Variants in RNF17 observed in about 807,000 individuals in gnomAD.
RNF17 encodes the protein spermatogenesis associated 23.
In RNF17, 31 loss-of-function variants were observed where a neutral mutation model predicts 200.5. The ratio of observed to expected loss-of-function variants is 0.15; its 90% CI spans 0.12 to 0.21. RNF17 has a LOEUF of 0.21. Ranked by LOEUF, RNF17 falls within the 10% of genes least tolerant of loss-of-function variation. The probability of loss-of-function intolerance (pLI) is 1.00; values close to 1 mark genes in which losing one functional copy is unlikely to be tolerated. For synonymous variants in RNF17, 606 were observed against 637.8 expected (o/e 0.95, Z 0.75); for missense variants, 1,628 against 1,905.1 (o/e 0.85, Z 2.71).
downstream of RNF17, chr13:24,884,395 A>G: frequency 1.9e-6 from 3 of 1,614,014 alleles, no homozygotes; most frequent in Non-Finnish European, 2.5e-6. Flanking sequence ...TCCCATCTGC[A>G]CTCACTTCCT....
chr13:24,816,886 T>G (rs1179892650), intron 15 of RNF17, among the ~76,000 whole-genome samples: 1 of 152,102 alleles, frequency 6.6e-6, no homozygotes, highest in Non-Finnish European at 1.5e-5. Context: ...GTATCCTCTT[T>G]TGATTTACTG....
intron 33 of RNF17, 152 bp downstream of exon 33, chr13:24,874,401 T>C (rs1894633765): frequency 1.7e-6 from 1 of 580,316 alleles, no homozygotes. Flanking sequence ...ATACATAAAA[T>C]TTACCATTGT....
At chr13:24,822,146 C>G (rs1888134598) in intron 15 of RNF17, among the ~76,000 whole-genome samples, 1 of 152,074 alleles carries the variant, frequency 6.6e-6, no homozygotes, top group African/African-American at 2.4e-5. Flanking sequence ...GGCTGGCCAC[C>G]CCACCCTAAT....
chr13:24,885,624 G>GT, the RNF17 span: 1 of 1,611,194 alleles, frequency 6.2e-7, no homozygotes, highest in Non-Finnish European at 8.5e-7. Flanking sequence ...TATCCAAATT[G>GT]CCTAAATCAC....
At chr13:24,763,530 C>G (rs1879067350), upstream of RNF17, among the ~76,000 whole-genome samples, 1 of 151,992 alleles carries the variant, frequency 6.6e-6, no homozygotes, top group Non-Finnish European at 1.5e-5. Context: ...AAGGCTAATT[C>G]TTACTGTCTC....
At chr13:24,835,428 T>G (rs1889877176) in intron 18 of RNF17, among the ~76,000 whole-genome samples, 2 of 152,014 alleles carry the variant, frequency 1.3e-5, no homozygotes, top group Admixed American at 6.6e-5. Context: ...TTTCACCCCA[T>G]CGCCACCTCG....
intron 16 of RNF17, among the ~76,000 whole-genome samples, chr13:24,826,820 G>A (rs1888696525): frequency 6.6e-6 from 1 of 151,470 alleles, no homozygotes; most frequent in Non-Finnish European, 1.5e-5. Flanking sequence ...CAGCACTTTG[G>A]GAGGCCAAGG....
intron 15 of RNF17, among the ~76,000 whole-genome samples, chr13:24,811,825 G>A (rs146557469): frequency 0.12 from 18,781 of 151,902 alleles, 1,266 homozygotes; most frequent in Admixed American, 0.15. Flanking sequence ...TTTTTGGTGT[G>A]GATGTCCTTT....
intron 15 of RNF17, among the ~76,000 whole-genome samples, chr13:24,823,683 A>G (rs1385366381): frequency 1.2e-4 from 19 of 152,160 alleles, no homozygotes; most frequent in Admixed American, 1.1e-3. Context: ...TTTTCTGGGC[A>G]TGCATCTTGT....
chr13:24,835,240 C>A (rs537402815), intron 18 of RNF17, among the ~76,000 whole-genome samples: 3 of 151,812 alleles, frequency 2.0e-5, no homozygotes, highest in Admixed American at 2.0e-4. Flanking sequence ...TCCCTACCCC[C>A]CCTGGTAGCT....
upstream of RNF17, among the ~76,000 whole-genome samples, chr13:24,759,462 T>G (rs1202042547): frequency 6.6e-6 from 1 of 152,250 alleles, no homozygotes; most frequent in Non-Finnish European, 1.5e-5. Flanking sequence ...CAAGGTATTA[T>G]GCCTCCAGCA....
rs543258079 is a variant in RNF17, at chr13:24,805,864, T to G, written c.2091+1435T>G. 4.4e-4 allele frequency among the ~76,000 whole-genome samples: 66 copies of G among 149,526 alleles called. No homozygotes were observed. The South Asian group carries it at 6.1e-3, about 14-fold the overall frequency. On this transcript the variant is annotated intron_variant, in intron 15 of 35. Coordinates refer to ENST00000255324, the MANE Select transcript of RNF17 (RefSeq NM_031277.3). ...TCTCCACACCCTCATGAACACTTGGTTTTTTTTTTCTTTTTTAAATAACAT... is the reference window on the plus strand; with the variant it reads ...TCTCCACACCCTCATGAACACTTGGGTTTTTTTTTCTTTTTTAAATAACAT...
At chr13:24,809,184 CTT>C (rs1232735528) in intron 15 of RNF17, among the ~76,000 whole-genome samples, 2 of 149,570 alleles carry the variant, frequency 1.3e-5, no homozygotes, top group South Asian at 2.2e-4. Flanking sequence ...AGGATTCCCT[CTT>C]TTTCTATTGA....
At chr13:24,853,191 G>T (rs570787104) in intron 24 of RNF17, among the ~76,000 whole-genome samples, 59 of 152,310 alleles carry the variant, frequency 3.9e-4, no homozygotes, top group African/African-American at 1.4e-3. Flanking sequence ...TGGGATTATA[G>T]GCGTGAGCCA....
chr13:24,803,974 A>G, intron 14 of RNF17: 1 of 276,060 alleles, frequency 3.6e-6, no homozygotes, highest in Non-Finnish European at 6.9e-6. Context: ...GAGAAAAGAG[A>G]CTAAGAAAAT....
chr13:24,800,333 A>T (rs1223097034), intron 12 of RNF17, 33 bp from the exon 13 acceptor site: 17 of 1,454,954 alleles, frequency 1.2e-5, no homozygotes, highest in African/African-American at 1.4e-5. Flanking sequence ...TTGAAGCATT[A>T]TTTTCAATAA....
chr13:24,762,690 G>A (rs1337587809), upstream of RNF17, among the ~76,000 whole-genome samples: 2 of 152,128 alleles, frequency 1.3e-5, no homozygotes, highest in African/African-American at 2.4e-5. Flanking sequence ...ACAGTGTAGA[G>A]AGAAAAGAAA....
chr13:24,839,375 A>G (rs752915418), intron 18 of RNF17, among the ~76,000 whole-genome samples: 23 of 152,228 alleles, frequency 1.5e-4, no homozygotes, highest in Non-Finnish European at 2.5e-4. Flanking sequence ...AGAGAATTAG[A>G]AAAAACAATT....
rs1385229217 is a variant in RNF17, at chr13:24,858,973, GCTTT to G, written c.3611-25_3611-22del. The G allele has an allele frequency of 7.8e-6, 11 of 1,416,414 alleles. No individual in the cohort carries two copies. In the African/African-American group the frequency reaches 1.4e-4, roughly 18 times the overall value. 87.7% of individuals were successfully genotyped at this position (1,416,414 alleles called of 1,614,324 possible). A position where few individuals can be genotyped will look rare whatever the true frequency, so the allele number is the denominator to read the frequency against. On this transcript the variant is annotated intron_variant, in intron 25 of 35. Transcript: ENST00000255324. ...CAAATGATAGGGAATTTTCCTTAATGCTTTCTATCTTTAATACTTTTTTTCAGAA... is the reference window on the plus strand; with the variant it reads ...CAAATGATAGGGAATTTTCCTTAATGCTATCTTTAATACTTTTTTTCAGAA...
Sources: allele counts gnomAD v4.1 joint callset (sites outside exome capture counted in the v4.1 genomes callset), GRCh38; gene constraint gnomAD v4.1.1; transcripts MANE v1.5; gene names NCBI Gene and HGNC (gene_info 2026-07-23, HGNC 2026-07-21).